The following LHFPL6 variants were observed in gnomAD, a reference collection of about 807,000 sequenced individuals.
The protein encoded by LHFPL6 is LHFPL tetraspan subfamily member 6 protein.
A neutral mutation model predicts 20.6 loss-of-function variants in LHFPL6; 9 were observed. The ratio of observed to expected loss-of-function variants is 0.44; its 90% CI spans 0.26 to 0.76. The LOEUF (loss-of-function observed/expected upper bound fraction) is 0.76. LHFPL6 is among the 30% of genes least tolerant of loss of function. LHFPL6 has a pLI of 0.20. For synonymous variants in LHFPL6, 105 were observed against 98.7 expected, an observed-to-expected ratio of 1.06 and a Z score of -0.38; for missense variants, 218 against 253.5, an observed-to-expected ratio of 0.86 and a Z score of 0.95.
At chr13:39,592,954 G>A (rs1477678862) in intron 2 of LHFPL6, among the ~76,000 whole-genome samples, 1 of 152,116 alleles carries the variant, frequency 6.6e-6, no homozygotes, top group Admixed American at 6.5e-5. Flanking sequence ...AATAAATTAG[G>A]TATTGATGGA....
chr13:39,485,527 G>A (rs80011633), intron 2 of LHFPL6, among the ~76,000 whole-genome samples: 1 of 152,126 alleles, frequency 6.6e-6, no homozygotes, highest in Non-Finnish European at 1.5e-5. Flanking sequence ...CTAGAGCCCT[G>A]ATAGAATTCT....
intron 2 of LHFPL6, among the ~76,000 whole-genome samples, chr13:39,383,515 G>A (rs571220223): frequency 1.8e-4 from 27 of 152,304 alleles, no homozygotes; most frequent in South Asian, 6.2e-4. Context: ...CTACCATATT[G>A]GACAGTGTAA....
chr13:39,580,168 C>T (rs1473728424), intron 2 of LHFPL6, among the ~76,000 whole-genome samples: 2 of 151,814 alleles, frequency 1.3e-5, no homozygotes, highest in African/African-American at 2.4e-5. Flanking sequence ...ACTATAAACA[C>T]ATGAAAGCAT....
At chr13:39,378,209 A>G (rs1228496726) in intron 3 of LHFPL6, among the ~76,000 whole-genome samples, 2 of 152,186 alleles carry the variant, frequency 1.3e-5, no homozygotes, top group Non-Finnish European at 2.9e-5. Context: ...GCCATTTCTT[A>G]TCTTTGTATC....
At chr13:39,431,219 C>T (rs189847644) in intron 2 of LHFPL6, among the ~76,000 whole-genome samples, 117 of 152,308 alleles carry the variant, frequency 7.7e-4, no homozygotes, top group African/African-American at 2.7e-3. Context: ...TCCGGGCACA[C>T]CATCTTTAAG....
At chr13:39,570,817 T>A (rs559847246) in intron 2 of LHFPL6, among the ~76,000 whole-genome samples, 1 of 152,252 alleles carries the variant, frequency 6.6e-6, no homozygotes, top group African/African-American at 2.4e-5. Flanking sequence ...CACGTGTGTG[T>A]TTTTCTCCTA....
chr13:39,581,601 T>C (rs1207684762), intron 2 of LHFPL6, among the ~76,000 whole-genome samples: 7 of 151,384 alleles, frequency 4.6e-5, no homozygotes, highest in Non-Finnish European at 1.0e-4. Context: ...CTCTCTCTTT[T>C]TTTTTTTTCT....
intron 2 of LHFPL6, among the ~76,000 whole-genome samples, chr13:39,424,534 G>A (rs187631840): frequency 4.6e-5 from 7 of 152,252 alleles, no homozygotes; most frequent in East Asian, 1.9e-4. Context: ...AAGGGCACCC[G>A]AGTAAAGGAA....
At position 39,594,795 on chromosome 13, in the gene LHFPL6, T is replaced by A. The variant is rs542187980; in HGVS notation, c.385+6037A>T. Among the ~76,000 whole-genome samples the A allele has an allele frequency of 1.4e-4, 22 of 152,256 alleles. 1 individual carries two copies. Among genetic ancestry groups the A allele is most frequent in the African/African-American group, 5.3e-4 (22 of 41,536 alleles). On this transcript the variant is annotated intron_variant, in intron 2 of 3. Coordinates refer to ENST00000379589, the MANE Select transcript of LHFPL6 (RefSeq NM_005780.3). ...TGGAATACTATGCAGCCATAAAAAA[T>A]GATGAGTTCCTGTCCTTTGTAGGGA...
chr13:39,429,754 G>T (rs1871738509), intron 2 of LHFPL6, among the ~76,000 whole-genome samples: 1 of 152,042 alleles, frequency 6.6e-6, no homozygotes, highest in Admixed American at 6.6e-5. Context: ...ACCTGTTTAA[G>T]TCTGGTTTCC....
chr13:39,386,409 A>C (rs1187422671), intron 2 of LHFPL6, among the ~76,000 whole-genome samples: 3 of 152,178 alleles, frequency 2.0e-5, no homozygotes, highest in Non-Finnish European at 2.9e-5. Context: ...CATTCTAGTA[A>C]ACCACACCTC....
chr13:39,592,836 G>A lies in LHFPL6; in HGVS notation c.385+7996C>T, dbSNP rs527342805. On this transcript the variant is annotated intron_variant, in intron 2 of 3. Coordinates refer to ENST00000379589, the MANE Select transcript of LHFPL6 (RefSeq NM_005780.3). ...GTTCAACATATGCAAATCAATAAAC[G>A]TAATCCAGCATATAAACAGAACCAA... Among the ~76,000 whole-genome samples the A allele has an allele frequency of 1.3e-4, 20 of 152,172 alleles. No homozygotes were observed. In the East Asian group the frequency reaches 1.5e-3, roughly 12 times the overall value.
chr13:39,576,564 A>G (rs1009259203), intron 2 of LHFPL6, among the ~76,000 whole-genome samples: 1 of 152,198 alleles, frequency 6.6e-6, no homozygotes, highest in East Asian at 1.9e-4. Flanking sequence ...ATTACAAAAG[A>G]GTGGCTTCAT....
At chr13:39,386,028 T>A (rs879609289) in intron 2 of LHFPL6, among the ~76,000 whole-genome samples, 1 of 152,168 alleles carries the variant, frequency 6.6e-6, no homozygotes, top group East Asian at 1.9e-4. Context: ...ATCTTTTATG[T>A]TTTTTGGATA....
intron 2 of LHFPL6, among the ~76,000 whole-genome samples, chr13:39,402,170 C>A (rs1871010408): frequency 6.6e-6 from 1 of 152,120 alleles, no homozygotes; most frequent in South Asian, 2.1e-4. Flanking sequence ...ATACTTATTT[C>A]TATAAAATGT....
chr13:39,474,302 T>A (rs1305776086), intron 2 of LHFPL6, among the ~76,000 whole-genome samples: 1 of 152,240 alleles, frequency 6.6e-6, no homozygotes, highest in Non-Finnish European at 1.5e-5. Flanking sequence ...TTGTTTAACA[T>A]AACAATACAA....
At chr13:39,379,866 C>T (rs542719906) in intron 2 of LHFPL6, among the ~76,000 whole-genome samples, 1 of 152,224 alleles carries the variant, frequency 6.6e-6, no homozygotes, top group Non-Finnish European at 1.5e-5. Flanking sequence ...AGAGGGCCAT[C>T]TACTTGTGGG....
chr13:39,438,217 T>C (rs889903134), intron 2 of LHFPL6, among the ~76,000 whole-genome samples: 3 of 152,180 alleles, frequency 2.0e-5, no homozygotes, highest in South Asian at 4.1e-4. Context: ...CCTGGCTGCA[T>C]TGTGCCCCTG....
chr13:39,397,166 A>G (rs577790903), intron 2 of LHFPL6, among the ~76,000 whole-genome samples: 102 of 152,324 alleles, frequency 6.7e-4, no homozygotes, highest in Non-Finnish European at 1.3e-3. Flanking sequence ...AAATTGAAAA[A>G]AAAAAGTAGA....
Sources: allele counts gnomAD v4.1 joint callset (sites outside exome capture counted in the v4.1 genomes callset), GRCh38; gene constraint gnomAD v4.1.1; transcripts MANE v1.5; gene names NCBI Gene and HGNC (gene_info 2026-07-23, HGNC 2026-07-21).